Variants in HSPA14 observed in about 807,000 individuals in gnomAD.
HSPA14 encodes heat shock 70 kDa protein 14.
HSPA14 carries 37 observed loss-of-function variants against 65.5 expected under a neutral mutation model. The ratio of observed to expected loss-of-function variants is 0.56; its 90% CI spans 0.43 to 0.74. The LOEUF is 0.74. Ranked by LOEUF, HSPA14 falls within the 30% of genes least tolerant of loss-of-function variation. HSPA14 has a pLI of 0.00. For missense variants in HSPA14, 564 were observed against 607.6 expected, an observed-to-expected ratio of 0.93 and a Z score of 0.75; for synonymous variants, 203 against 214.2, an observed-to-expected ratio of 0.95 and a Z score of 0.46.
chr10:14,838,514 C>T, intron 1 of HSPA14, 55 bp downstream of exon 1: 2 of 1,506,180 alleles, frequency 1.3e-6, no homozygotes, highest in South Asian at 1.2e-5. Context: ...GGTTTTCTGG[C>T]GCTGGGTCAT....
At chr10:14,857,970 T>C (rs1832722410) in intron 10 of HSPA14, among the ~76,000 whole-genome samples, 1 of 151,946 alleles carries the variant, frequency 6.6e-6, no homozygotes, top group African/African-American at 2.4e-5. Flanking sequence ...GGAGGCGGAT[T>C]GTGAAGGATG....
At chr10:14,845,220 A>C (rs1268398060) in intron 3 of HSPA14, 2 of 985,150 alleles carry the variant, frequency 2.0e-6, no homozygotes, top group Non-Finnish European at 2.4e-6. Flanking sequence ...ACTAACTTAA[A>C]GCTTTTAGTG....
rs776308282 is a variant in HSPA14 at position 14,870,615 on chromosome 10, G to C, written c.1399G>C (p.Asp467His). 6.3e-7 allele frequency: 1 copy of C among 1,583,380 alleles called. No homozygotes were observed. Among genetic ancestry groups the C allele is most frequent in the South Asian group, 1.1e-5 (1 of 88,370 alleles). The change falls in exon 13 of 14, where the codon GAT (aspartate) becomes CAT (histidine). Residue 467 changes from aspartate (D) to histidine (H), a missense_variant. By Grantham distance (81) the Asp-to-His change is moderately conservative (BLOSUM62 -1). Transcript: ENST00000378372. ...TAAACAGGTTGTACTCCAGGATTTAGATAAAAAAGAAAATGGATTACGTGA... is the reference window on the plus strand; with the variant it reads ...TAAACAGGTTGTACTCCAGGATTTACATAAAAAAGAAAATGGATTACGTGA... ...KFAQVVLQDL[D>H]KKENGLRDIL...
chr10:14,838,686 G>T (rs1367569116), intron 1 of HSPA14: 2 of 505,618 alleles, frequency 4.0e-6, no homozygotes, highest in Non-Finnish European at 3.5e-6. Context: ...CGATGTAGAC[G>T]CGCGGGGTCC....
chr10:14,846,970 G>A (rs1211818056), intron 3 of HSPA14: 2 of 985,412 alleles, frequency 2.0e-6, no homozygotes, highest in African/African-American at 3.5e-5. Flanking sequence ...TAATCCTGGT[G>A]TGGACAAATA....
At chr10:14,846,910 A>G (rs988247326) in intron 3 of HSPA14, 1 of 985,462 alleles carries the variant, frequency 1.0e-6, no homozygotes, top group South Asian at 4.7e-5. Flanking sequence ...CATCATGTAA[A>G]TAAGGTGCTA....
intron 8 of HSPA14, among the ~76,000 whole-genome samples, chr10:14,852,840 G>A (rs1361254642): frequency 6.6e-6 from 1 of 152,160 alleles, no homozygotes; most frequent in African/African-American, 2.4e-5. Flanking sequence ...TTAAAGGAGT[G>A]TATAGGCACT....
At chr10:14,856,051 C>A (rs1189142274) in intron 10 of HSPA14, 108 bp downstream of exon 10, 1 of 678,154 alleles carries the variant, frequency 1.5e-6, no homozygotes, top group South Asian at 1.7e-5. Context: ...TAAGAATTTT[C>A]TTAGATTGTG....
At chr10:14,868,987 C>T (rs1832830803) in intron 12 of HSPA14, among the ~76,000 whole-genome samples, 1 of 152,036 alleles carries the variant, frequency 6.6e-6, no homozygotes, top group South Asian at 2.1e-4. Flanking sequence ...GCTGGGACTA[C>T]AGGCGCCCAC....
At chr10:14,865,486 A>G (rs1390339180) in intron 10 of HSPA14, among the ~76,000 whole-genome samples, 2 of 152,072 alleles carry the variant, frequency 1.3e-5, no homozygotes, top group Admixed American at 6.6e-5. Flanking sequence ...ATCCATCTTG[A>G]ATTAATTTTT....
chr10:14,842,991 G>A lies in HSPA14; in HGVS notation c.221+2834G>A. 3 of 700,116 alleles carry A rather than the reference G, an allele frequency of 4.3e-6. No individual in the cohort carries two copies. The highest frequency in any genetic ancestry group is 7.0e-6 in the Non-Finnish European group (3 of 430,016). 43.4% of individuals were successfully genotyped at this position (700,116 alleles called of 1,614,324 possible). ...CACGCACCTTTTCAAAAACCTAATAGTAAGCTAAAGGGTTCCAGGTTTTCA... is the reference window on the plus strand; with the variant it reads ...CACGCACCTTTTCAAAAACCTAATAATAAGCTAAAGGGTTCCAGGTTTTCA... On this transcript the variant is annotated intron_variant, in intron 3 of 13. Coordinates refer to ENST00000378372, the MANE Select transcript of HSPA14 (RefSeq NM_016299.4). The surrounding 1 kb of genome is among the most constrained non-coding windows in gnomAD (Gnocchi z 5.2).
rs750828036 is a variant in HSPA14, at chr10:14,842,263, T to A, written c.221+2106T>A. 1 of 1,535,152 alleles carries A rather than the reference T, an allele frequency of 6.5e-7. No homozygotes were observed. The highest frequency in any genetic ancestry group is 1.2e-5 in the South Asian group (1 of 84,012). On this transcript the variant is annotated intron_variant, in intron 3 of 13. Transcript: ENST00000378372. This position sits in a 1 kb window ranked among gnomAD's most constrained non-coding sequence, Gnocchi z 5.2. ...TGCACCTTGCTGTCCAGAAGCTGCCTAGCCCTCCTTTCCAACCCACAATGG... is the reference window on the plus strand; with the variant it reads ...TGCACCTTGCTGTCCAGAAGCTGCCAAGCCCTCCTTTCCAACCCACAATGG...
At chr10:14,857,580 C>T (rs934924441) in intron 10 of HSPA14, among the ~76,000 whole-genome samples, 1 of 151,750 alleles carries the variant, frequency 6.6e-6, no homozygotes, top group Admixed American at 6.6e-5. Context: ...TATTATTTGC[C>T]CATTTAATCA....
intron 10 of HSPA14, among the ~76,000 whole-genome samples, chr10:14,865,525 T>C (rs1044445729): frequency 6.6e-6 from 1 of 152,262 alleles, no homozygotes; most frequent in African/African-American, 2.4e-5. Flanking sequence ...AGATCCAGTT[T>C]CAGCTTTCTA....
chr10:14,867,167 T>A lies in HSPA14; in HGVS notation c.1078T>A (p.Ser360Thr). ...TTTCCCAGCTGTTGAGCTTCTCAAT[T>A]CTATCCCTCCTGATGAAGTGATCCC... Reference protein sequence around the residue: ...DLFPAVELLNSIPPDEVIPIG... With the variant: ...DLFPAVELLNTIPPDEVIPIG... Residue 360 changes from serine (S) to threonine (T), a missense_variant, in exon 11 of 14, where the codon TCT becomes ACT. Ser to Thr is a moderately conservative substitution (Grantham distance 58). Coordinates refer to ENST00000378372, the MANE Select transcript of HSPA14 (RefSeq NM_016299.4). 6.2e-7 allele frequency: 1 copy of A among 1,613,758 alleles called. No individual in the cohort carries two copies. Among genetic ancestry groups the A allele is most frequent in the Non-Finnish European group, 8.5e-7 (1 of 1,179,738 alleles).
At chr10:14,864,976 A>G (rs1832792489) in intron 10 of HSPA14, among the ~76,000 whole-genome samples, 1 of 152,120 alleles carries the variant, frequency 6.6e-6, no homozygotes, top group South Asian at 2.1e-4. Context: ...CATCCTCTCT[A>G]GCACCTGTTG....
At chr10:14,847,535 T>A (rs955374667) in intron 3 of HSPA14, among the ~76,000 whole-genome samples, 3 of 152,194 alleles carry the variant, frequency 2.0e-5, no homozygotes, top group Admixed American at 2.0e-4. Flanking sequence ...GCAAGCTACT[T>A]ACCTCTTGTC....
Position 14,844,453 on chromosome 10 carries a change from C to G in HSPA14, c.222-4156C>G, listed in dbSNP as rs538385798. On this transcript the variant is annotated intron_variant, in intron 3 of 13. Transcript: ENST00000378372. ...TTGACTGCTTCATGGAGTTTGAAAT[C>G]TTAATTTTTAAAATCCCTGTGTGGC... is the stretch of plus-strand genomic sequence containing the variant. 2.3e-5 allele frequency: 23 copies of G among 991,204 alleles called. No individual in the cohort carries two copies. In the African/African-American group the frequency reaches 4.0e-4, roughly 17 times the overall value. The allele number at this position is 991,204 out of a possible 1,614,324, so 61.4% of individuals were successfully genotyped here.
chr10:14,862,376 C>CTTTTTTTTTT (rs753404160), intron 10 of HSPA14, among the ~76,000 whole-genome samples: 1 of 128,652 alleles, frequency 7.8e-6, no homozygotes, highest in East Asian at 2.3e-4. Flanking sequence ...CTTTTCTTTT[C>CTTTTTTTTTT]TTTTTTTTTT....
Sources: gnomAD v4.1 joint callset for allele counts (sites outside exome capture counted in the v4.1 genomes callset) on GRCh38, gnomAD v4.1.1 for gene constraint, Gnocchi (gnomAD v3.1) non-coding constraint, MANE v1.5 for transcripts, NCBI Gene and HGNC (gene_info 2026-07-23, HGNC 2026-07-21) for gene names.